The following PCDH15 variants were observed in gnomAD, a reference collection of about 807,000 sequenced individuals.
The protein encoded by PCDH15 is protocadherin-15.
Under a neutral mutation model 178.5 loss-of-function variants are expected in PCDH15, and 129 were observed. The ratio of observed to expected loss-of-function variants is 0.72; its 90% CI spans 0.63 to 0.84. The LOEUF (loss-of-function observed/expected upper bound fraction) is 0.84, where lower values mean the gene tolerates loss of function less well. Among genes scored for constraint, PCDH15 ranks in the 40% least tolerant of loss-of-function variants. The pLI is 0.00. For missense variants in PCDH15, 2,230 were observed against 2,099.9 expected (o/e 1.06, Z -1.21); for synonymous variants, 800 against 732.0 (o/e 1.09, Z -1.50).
intron 3 of PCDH15, among the ~76,000 whole-genome samples, chr10:54,455,346 TAGA>T (rs915862437): frequency 6.6e-6 from 1 of 152,140 alleles, no homozygotes; most frequent in Non-Finnish European, 1.5e-5. Context: ...TTGGAGGGCT[TAGA>T]AGAAGACAGG....
chr10:55,250,875 T>C (rs972801161), intron 1 of PCDH15, among the ~76,000 whole-genome samples: 1 of 152,142 alleles, frequency 6.6e-6, no homozygotes, highest in Admixed American at 6.5e-5. Context: ...ATGTTCTTTT[T>C]GCTTTCTATA....
chr10:54,909,373 T>A (rs1954780753), intron 2 of PCDH15, among the ~76,000 whole-genome samples: 1 of 152,092 alleles, frequency 6.6e-6, no homozygotes, highest in Non-Finnish European at 1.5e-5. Flanking sequence ...TTAGCCCCTG[T>A]CTCAGCCTCC....
chr10:55,362,030 A>T (rs1845242880), intron 2 of PCDH15, among the ~76,000 whole-genome samples: 1 of 152,020 alleles, frequency 6.6e-6, no homozygotes, highest in African/African-American at 2.4e-5. Context: ...CAGTCATGTG[A>T]TTTCTTCTGC....
chr10:55,063,635 A>G (rs1351508376), intron 2 of PCDH15, among the ~76,000 whole-genome samples: 2 of 152,126 alleles, frequency 1.3e-5, no homozygotes, highest in African/African-American at 4.8e-5. Context: ...TTCTTGTATT[A>G]TTAAAATTAA....
intron 13 of PCDH15, among the ~76,000 whole-genome samples, chr10:54,156,764 G>A (rs559484878): frequency 1.3e-5 from 2 of 152,284 alleles, no homozygotes; most frequent in South Asian, 4.1e-4. Context: ...CCACCTACGA[G>A]CCTGTCAAAT....
In PCDH15 at chr10:55,254,767, T is replaced by A. The variant is rs78242596; in HGVS notation, c.-156+64832A>T. On this transcript the variant is annotated intron_variant, in intron 1 of 5. Transcript: ENST00000458638. ...GAGGCTTTGTGAAGCTTATGTAATT[T>A]GAAATACAAATAAGATTGCGAAAGA... Among the ~76,000 whole-genome samples, 565 of 152,284 alleles carry A rather than the reference T, an allele frequency of 3.7e-3. 3 individuals carry two copies. Among genetic ancestry groups the A allele is most frequent in the African/African-American group, 0.013 (522 of 41,568 alleles).
At chr10:54,282,574 C>G (rs1161501694) in intron 8 of PCDH15, among the ~76,000 whole-genome samples, 1 of 151,812 alleles carries the variant, frequency 6.6e-6, no homozygotes, top group Non-Finnish European at 1.5e-5. Flanking sequence ...AAGTAAAGCT[C>G]AAACAAATTT....
chr10:55,266,403 G>C (rs564399530), intron 1 of PCDH15, among the ~76,000 whole-genome samples: 6 of 152,280 alleles, frequency 3.9e-5, no homozygotes, highest in African/African-American at 1.2e-4. Context: ...ACAGCAGTTA[G>C]ATGTACCTCT....
At chr10:55,210,572 A>G (rs935518656) in intron 1 of PCDH15, among the ~76,000 whole-genome samples, 1 of 148,524 alleles carries the variant, frequency 6.7e-6, no homozygotes, top group East Asian at 2.0e-4. Context: ...GGGAAAAAAA[A>G]GCTAATTGAA....
intron 2 of PCDH15, among the ~76,000 whole-genome samples, chr10:55,420,108 C>T (rs1184892415): frequency 6.6e-6 from 1 of 151,678 alleles, no homozygotes; most frequent in Non-Finnish European, 1.5e-5. Flanking sequence ...TGCTTATACT[C>T]CTCATAAGAC....
chr10:54,406,723 A>C (rs1952719873), intron 3 of PCDH15, among the ~76,000 whole-genome samples: 1 of 152,118 alleles, frequency 6.6e-6, no homozygotes, highest in South Asian at 2.1e-4. Flanking sequence ...AACAAAAGTT[A>C]ACCTTAACCC....
At chr10:55,599,987 A>C in intron 2 of PCDH15, 1 of 1,448,456 alleles carries the variant, frequency 6.9e-7, no homozygotes, top group Non-Finnish European at 9.2e-7. Flanking sequence ...AAATAGGAGA[A>C]GACCCTGTGG....
rs75615847 is a variant in PCDH15, at chr10:55,176,886, T to C, written c.-155-10235A>G. Reference sequence around the variant, plus strand: ...ACTTGGATGGTATTACCACAGAGATTCTGAGACAGGCCCTACCTGTTTGGG... The same window carrying C: ...ACTTGGATGGTATTACCACAGAGATCCTGAGACAGGCCCTACCTGTTTGGG... On this transcript the variant is annotated intron_variant, in intron 1 of 5. Coordinates refer to the PCDH15 transcript ENST00000458638. Among the ~76,000 whole-genome samples, 106 of 152,244 alleles carry C rather than the reference T, an allele frequency of 7.0e-4. 1 individual carries two copies. In the East Asian group the frequency reaches 0.018, roughly 26 times the overall value.
At chr10:54,736,082 G>T (rs1033936868) in intron 1 of PCDH15, among the ~76,000 whole-genome samples, 1 of 151,866 alleles carries the variant, frequency 6.6e-6, no homozygotes, top group African/African-American at 2.4e-5. Context: ...AGGTCAAACT[G>T]CATTTTAGAG....
At chr10:55,505,545 G>A (rs1445617763) in intron 2 of PCDH15, among the ~76,000 whole-genome samples, 2 of 151,234 alleles carry the variant, frequency 1.3e-5, no homozygotes, top group Non-Finnish European at 3.0e-5. Flanking sequence ...CACAATGATA[G>A]ACAATATATG....
chr10:55,313,560 T>C (rs1247557794), intron 1 of PCDH15, among the ~76,000 whole-genome samples: 1 of 152,196 alleles, frequency 6.6e-6, no homozygotes, highest in Non-Finnish European at 1.5e-5. Context: ...CATTGCTTGC[T>C]AGTGCATAGG....
intron 2 of PCDH15, among the ~76,000 whole-genome samples, chr10:55,498,543 A>G (rs1276405647): frequency 6.6e-6 from 1 of 151,908 alleles, no homozygotes; most frequent in Admixed American, 6.6e-5. Flanking sequence ...GTGACAAATG[A>G]ATTCTGATTA....
intron 14 of PCDH15, among the ~76,000 whole-genome samples, chr10:54,143,687 T>C (rs1333752449): frequency 2.6e-5 from 4 of 152,074 alleles, no homozygotes; most frequent in Admixed American, 6.6e-5. Flanking sequence ...TTTTGTTTTG[T>C]TTTTCAGAGT....
At chr10:55,069,403 A>G (rs1373517833) in intron 2 of PCDH15, among the ~76,000 whole-genome samples, 1 of 143,022 alleles carries the variant, frequency 7.0e-6, no homozygotes, top group Non-Finnish European at 1.5e-5. Context: ...CATTAGGTGT[A>G]TCTCCTAATG....
Sources: gnomAD v4.1 joint callset for allele counts (sites outside exome capture counted in the v4.1 genomes callset) on GRCh38, gnomAD v4.1.1 for gene constraint, MANE v1.5 for transcripts, NCBI Gene and HGNC (gene_info 2026-07-23, HGNC 2026-07-21) for gene names.